The following TULP4 variants were observed in gnomAD, a reference collection of about 807,000 sequenced individuals.
TULP4 encodes TUB like protein 4.
TULP4 carries 16 observed loss-of-function variants against 129.0 expected under a neutral mutation model. The observed-to-expected ratio is 0.12, with a 90% CI of 0.08 to 0.19. The LOEUF (loss-of-function observed/expected upper bound fraction) is 0.19, where lower values mean the gene tolerates loss of function less well. Ranked by LOEUF, TULP4 falls within the 10% of genes least tolerant of loss-of-function variation. The pLI, the probability that TULP4 is intolerant of heterozygous loss-of-function variation, is 1.00. For synonymous variants in TULP4, 998 were observed against 854.0 expected, an observed-to-expected ratio of 1.17 and a Z score of -2.94; for missense variants, 1,842 against 2,059.1, an observed-to-expected ratio of 0.89 and a Z score of 2.04.
At chr6:158,416,003 A>T (rs994776148) in intron 2 of TULP4, among the ~76,000 whole-genome samples, 4 of 152,252 alleles carry the variant, frequency 2.6e-5, no homozygotes, top group Non-Finnish European at 2.9e-5. Context: ...CCGAAGGTCC[A>T]AGAGCCCCTG....
intron 1 of TULP4, among the ~76,000 whole-genome samples, chr6:158,294,238 C>CCTGTAG (rs1163883798): frequency 6.6e-6 from 1 of 151,852 alleles, no homozygotes; most frequent in Non-Finnish European, 1.5e-5. Flanking sequence ...GTGGTGGGCA[C>CCTGTAG]CTGTAGTCCA....
chr6:158,300,711 A>G (rs1212795511), intron 1 of TULP4, among the ~76,000 whole-genome samples: 2 of 152,250 alleles, frequency 1.3e-5, no homozygotes, highest in Admixed American at 6.5e-5. Flanking sequence ...AGGTGTCTAC[A>G]GAAACATGTA....
chr6:158,294,521 A>G (rs893427927), intron 1 of TULP4, among the ~76,000 whole-genome samples: 1 of 152,178 alleles, frequency 6.6e-6, no homozygotes, highest in Non-Finnish European at 1.5e-5. Flanking sequence ...AAAGCACAGG[A>G]TCCCTGTTCC....
intron 1 of TULP4, among the ~76,000 whole-genome samples, chr6:158,342,126 C>T (rs1780196776): frequency 6.6e-6 from 1 of 152,214 alleles, no homozygotes; most frequent in African/African-American, 2.4e-5. Context: ...CCATGTTGGC[C>T]AGGCTGGTCT....
At chr6:158,488,765 T>A (rs918167176) in intron 8 of TULP4, among the ~76,000 whole-genome samples, 5 of 146,912 alleles carry the variant, frequency 3.4e-5, no homozygotes, top group African/African-American at 1.3e-4. Context: ...AAGAATGGGG[T>A]CCTCACATTG....
At chr6:158,271,918 G>A (rs954564708) in intron 1 of TULP4, among the ~76,000 whole-genome samples, 2 of 152,242 alleles carry the variant, frequency 1.3e-5, no homozygotes, top group Non-Finnish European at 2.9e-5. Flanking sequence ...AAAGGATGGG[G>A]TAAGTCATTG....
chr6:158,260,940 C>T (rs1346209323), intron 1 of TULP4, among the ~76,000 whole-genome samples: 1 of 151,832 alleles, frequency 6.6e-6, no homozygotes, highest in East Asian at 1.9e-4. Context: ...CCTGCCTCAG[C>T]CTCCCGAGTA....
chr6:158,414,790 A>AGG (rs1234255171), intron 2 of TULP4, among the ~76,000 whole-genome samples: 11 of 152,224 alleles, frequency 7.2e-5, no homozygotes, highest in African/African-American at 2.4e-4. Flanking sequence ...AGGAAATGGA[A>AGG]GGGGAGCAAG....
chr6:158,318,690 G>A (rs368002084), intron 1 of TULP4, among the ~76,000 whole-genome samples: 2 of 152,096 alleles, frequency 1.3e-5, no homozygotes, highest in East Asian at 1.9e-4. Context: ...TTAAATACAA[G>A]TCCTCAATCC....
At chr6:158,496,057 C>T (rs1401344504) in intron 11 of TULP4, among the ~76,000 whole-genome samples, 1 of 152,134 alleles carries the variant, frequency 6.6e-6, no homozygotes, top group African/African-American at 2.4e-5. Context: ...TATATTTACC[C>T]CAGAGACAGT....
rs1321954 is a variant in TULP4 at position 158,242,204 on chromosome 6, G to T, written n.68+9901G>T. Reference sequence around the variant, plus strand: ...TCATCAGTGTCTTCTGATAATGAATGGTGGCAAAGACCTTCAGCTTTTTGT... The same window carrying T: ...TCATCAGTGTCTTCTGATAATGAATTGTGGCAAAGACCTTCAGCTTTTTGT... On this transcript the variant is annotated intron_variant and non_coding_transcript_variant, in intron 1 of 1. Coordinates refer to the TULP4 transcript ENST00000620026. 221 of 1,410,386 alleles carry T rather than the reference G, an allele frequency of 1.6e-4. 1 individual carries two copies. The African/African-American group carries it at 2.9e-3, about 19-fold the overall frequency. The allele number at this position is 1,410,386 out of a possible 1,614,324, so 87.4% of individuals were successfully genotyped here. A position where few individuals can be genotyped will look rare whatever the true frequency, so the allele number is the denominator to read the frequency against.
intron 2 of TULP4, among the ~76,000 whole-genome samples, chr6:158,418,098 T>TGTG (rs1778253694): frequency 2.8e-5 from 4 of 143,542 alleles, no homozygotes; most frequent in African/African-American, 1.0e-4. Context: ...TGTGTGTGTG[T>TGTG]GTTTTTTTTT....
At chr6:158,339,081 T>G (rs1437620333) in intron 1 of TULP4, among the ~76,000 whole-genome samples, 2 of 152,134 alleles carry the variant, frequency 1.3e-5, no homozygotes, top group Non-Finnish European at 1.5e-5. Context: ...CCCCAGTAAT[T>G]CAACGTGAGT....
intron 12 of TULP4, 127 bp from the exon 13 acceptor site, chr6:158,501,549 GTC>G (rs1302328221): frequency 9.6e-6 from 9 of 934,524 alleles, no homozygotes; most frequent in Non-Finnish European, 1.4e-5. Context: ...AAGCAGACAC[GTC>G]TCTGTCTCTG....
In TULP4 at chr6:158,481,223, GGGCGGCGCATCA is replaced by G. The variant is rs1779936532; in HGVS notation, c.1422_1433del (p.Arg475_Ser478del). On this transcript the variant is annotated inframe_deletion, in exon 8 of 14. Transcript: ENST00000367097. Reference sequence around the variant, plus strand: ...GGGCGGGCTTGTGCCCATCCTCAAAGGGCGGCGCATCAGCAAGCTGCGGCCAGAGTTCGTCAT... The same window carrying G: ...GGGCGGGCTTGTGCCCATCCTCAAAGGCAAGCTGCGGCCAGAGTTCGTCAT... 6.2e-7 allele frequency: 1 copy of G among 1,614,242 alleles called. No individual in the cohort carries two copies. Among genetic ancestry groups the G allele is most frequent in the African/African-American group, 1.3e-5 (1 of 75,066 alleles).
intron 1 of TULP4, among the ~76,000 whole-genome samples, chr6:158,290,373 A>G (rs1380287336): frequency 6.6e-6 from 1 of 152,068 alleles, no homozygotes; most frequent in Non-Finnish European, 1.5e-5. Flanking sequence ...TCAAATCAGA[A>G]TGTCTTTTGC....
At chr6:158,366,948 T>C (rs2114860069) in intron 1 of TULP4, among the ~76,000 whole-genome samples, 1 of 152,338 alleles carries the variant, frequency 6.6e-6, no homozygotes, top group East Asian at 1.9e-4. Context: ...GTCTCATGAA[T>C]TATTGATCGC....
chr6:158,478,519 C>A (rs1224425921), intron 6 of TULP4, among the ~76,000 whole-genome samples: 1 of 152,188 alleles, frequency 6.6e-6, no homozygotes, highest in Non-Finnish European at 1.5e-5. Context: ...GGGCCTGCCC[C>A]CTGTGTGGAA....
At chr6:158,332,436 T>C (rs1779933032) in intron 1 of TULP4, among the ~76,000 whole-genome samples, 1 of 151,890 alleles carries the variant, frequency 6.6e-6, no homozygotes, top group Non-Finnish European at 1.5e-5. Context: ...TAAATAACCC[T>C]CTGGAGTGCA....
Sources: gnomAD v4.1 joint callset for allele counts (sites outside exome capture counted in the v4.1 genomes callset) on GRCh38, gnomAD v4.1.1 for gene constraint, MANE v1.5 for transcripts, NCBI Gene and HGNC (gene_info 2026-07-23, HGNC 2026-07-21) for gene names.